The following CTNND2 variants were observed in gnomAD, a reference collection of about 807,000 sequenced individuals.
CTNND2 encodes the protein catenin delta 2, also known as catenin delta-2.
A neutral mutation model predicts 144.4 loss-of-function variants in CTNND2; 22 were observed. The ratio of observed to expected loss-of-function variants is 0.15; its 90% CI spans 0.11 to 0.22. CTNND2 has a LOEUF of 0.22. CTNND2 is among the 10% of genes least tolerant of loss of function. The pLI is 1.00. For missense variants in CTNND2, 1,353 were observed against 1,618.8 expected (o/e 0.84, Z 2.82); for synonymous variants, 751 against 695.6 (o/e 1.08, Z -1.25).
At chr5:11,844,738 T>A (rs1328712693) in intron 1 of CTNND2, among the ~76,000 whole-genome samples, 4 of 152,166 alleles carry the variant, frequency 2.6e-5, no homozygotes, top group Non-Finnish European at 5.9e-5. Context: ...AAAATCTCAA[T>A]AACTAGCTCA....
chr5:11,398,407 T>A (rs61749780), intron 5 of CTNND2, among the ~76,000 whole-genome samples: 2,916 of 152,294 alleles, frequency 0.019, 88 homozygotes, highest in East Asian at 0.12. Context: ...GGTTCACAAA[T>A]TCTTTGGCAC....
chr5:11,702,657 G>C (rs1785507300), intron 2 of CTNND2, among the ~76,000 whole-genome samples: 1 of 152,172 alleles, frequency 6.6e-6, no homozygotes, highest in Admixed American at 6.5e-5. Context: ...CCGGATCCTA[G>C]GGTGGAAATC....
chr5:11,172,026 A>G (rs1759977701), intron 11 of CTNND2, among the ~76,000 whole-genome samples: 1 of 152,230 alleles, frequency 6.6e-6, no homozygotes, highest in South Asian at 2.1e-4. Context: ...GAATAGTATT[A>G]GGTCGGTGCA....
At chr5:11,463,444 G>A (rs1056339521) in intron 3 of CTNND2, among the ~76,000 whole-genome samples, 2 of 152,080 alleles carry the variant, frequency 1.3e-5, no homozygotes, top group African/African-American at 4.8e-5. Flanking sequence ...TGCTGTCTCA[G>A]GTTTATAAGC....
At chr5:11,148,461 T>C (rs574162266) in intron 12 of CTNND2, among the ~76,000 whole-genome samples, 14 of 152,214 alleles carry the variant, frequency 9.2e-5, no homozygotes, top group Admixed American at 2.0e-4. Context: ...TAGTTCGATC[T>C]GCCTGCAGGC....
intron 1 of CTNND2, among the ~76,000 whole-genome samples, chr5:11,836,792 T>C (rs781303381): frequency 6.6e-6 from 1 of 152,322 alleles, no homozygotes; most frequent in African/African-American, 2.4e-5. Context: ...AATGAAAATA[T>C]GTGAGACAGA....
At chr5:11,800,139 T>G (rs773465215) in intron 1 of CTNND2, among the ~76,000 whole-genome samples, 14 of 152,166 alleles carry the variant, frequency 9.2e-5, no homozygotes, top group Non-Finnish European at 1.8e-4. Flanking sequence ...AAGTATATAT[T>G]AAAAAGTCTG....
At chr5:11,102,768 T>C (rs1275423701) in intron 14 of CTNND2, among the ~76,000 whole-genome samples, 7 of 152,052 alleles carry the variant, frequency 4.6e-5, no homozygotes, top group Non-Finnish European at 2.9e-5. Context: ...AATTTAGACA[T>C]GATGCTTTTT....
chr5:11,217,573 C>A (rs552102728), intron 10 of CTNND2, among the ~76,000 whole-genome samples: 1 of 152,260 alleles, frequency 6.6e-6, no homozygotes, highest in South Asian at 2.1e-4. Context: ...ACATCTCTGG[C>A]ATAACATAGG....
chr5:11,292,489 T>C (rs551677762), intron 9 of CTNND2, among the ~76,000 whole-genome samples: 2 of 152,204 alleles, frequency 1.3e-5, no homozygotes, highest in East Asian at 1.9e-4. Context: ...TGGGAGGTAA[T>C]TGGATCATGG....
chr5:11,033,174 AC>A (rs1743670591), intron 16 of CTNND2, among the ~76,000 whole-genome samples: 1 of 152,224 alleles, frequency 6.6e-6, no homozygotes, highest in Non-Finnish European at 1.5e-5. Context: ...ACATGTGCTG[AC>A]AAAAAGGTGT....
intron 1 of CTNND2, among the ~76,000 whole-genome samples, chr5:11,795,747 A>T (rs1291492080): frequency 2.0e-5 from 3 of 152,240 alleles, no homozygotes; most frequent in Non-Finnish European, 4.4e-5. Context: ...TGTATGAGAA[A>T]TAGCCATTCA....
chr5:11,716,671 ATTTG>A (rs1173011524), intron 2 of CTNND2, among the ~76,000 whole-genome samples: 18 of 151,066 alleles, frequency 1.2e-4, no homozygotes, highest in African/African-American at 4.2e-4. Context: ...TTATTTACTT[ATTTG>A]TTTATTTATT....
At chr5:11,226,199 A>G (rs943359610) in intron 10 of CTNND2, among the ~76,000 whole-genome samples, 4 of 152,184 alleles carry the variant, frequency 2.6e-5, no homozygotes, top group African/African-American at 9.7e-5. Flanking sequence ...AAGCAAGCAC[A>G]AATGAGCACA....
chr5:11,576,461 T>C (rs1203967189), intron 2 of CTNND2, among the ~76,000 whole-genome samples: 4 of 151,494 alleles, frequency 2.6e-5, no homozygotes, highest in Non-Finnish European at 5.9e-5. Flanking sequence ...ACAGTTATAT[T>C]AGAAGATGAC....
chr5:11,245,658 T>C (rs1742926066), intron 9 of CTNND2, among the ~76,000 whole-genome samples: 1 of 152,214 alleles, frequency 6.6e-6, no homozygotes, highest in African/African-American at 2.4e-5. Flanking sequence ...GTTGGATTTC[T>C]GGCCTCCAAA....
intron 3 of CTNND2, among the ~76,000 whole-genome samples, chr5:11,433,706 C>T (rs1713168364): frequency 6.6e-6 from 1 of 152,172 alleles, no homozygotes; most frequent in South Asian, 2.1e-4. Context: ...AGAGCTCACT[C>T]ACTATCGCAG....
At chr5:11,814,533 G>A (rs73743266) in intron 1 of CTNND2, among the ~76,000 whole-genome samples, 48 of 152,340 alleles carry the variant, frequency 3.2e-4, no homozygotes, top group African/African-American at 1.1e-3. Context: ...GAGCCAGGTT[G>A]GAGAGCTGCA....
At chr5:11,116,606 G>C (rs771780540) in intron 13 of CTNND2, among the ~76,000 whole-genome samples, 44 of 152,226 alleles carry the variant, frequency 2.9e-4, no homozygotes, top group Non-Finnish European at 1.3e-4. Context: ...ATTCTGGCTT[G>C]TGAACTAAGA....
Sources: gnomAD v4.1 joint callset for allele counts (sites outside exome capture counted in the v4.1 genomes callset) on GRCh38, gnomAD v4.1.1 for gene constraint, MANE v1.5 for transcripts, NCBI Gene and HGNC (gene_info 2026-07-23, HGNC 2026-07-21) for gene names.